RANBP2: variants seen among roughly 807,000 people sequenced by gnomAD.
RANBP2 encodes E3 SUMO-protein ligase RanBP2.
In RANBP2, 57 loss-of-function variants were observed where a neutral mutation model predicts 303.6. That is an observed-to-expected ratio of 0.19 (90% CI 0.15 to 0.23). The LOEUF is 0.23. Among genes scored for constraint, RANBP2 ranks in the 10% least tolerant of loss-of-function variants. The pLI, the probability that RANBP2 is intolerant of heterozygous loss-of-function variation, is 1.00. For synonymous variants in RANBP2, 1,167 were observed against 1,301.5 expected (o/e 0.90, Z 2.23); for missense variants, 3,138 against 3,780.8 (o/e 0.83, Z 4.46).
At chr2:109,717,407 T>C in the RANBP2 span, among the ~76,000 whole-genome samples, 147,768 of 152,136 alleles carry the variant, frequency 0.97, 71,914 homozygotes, top group Middle Eastern at 1. Flanking sequence ...CATTGTGAAA[T>C]CCCGTCTCAA....
the RANBP2 span, among the ~76,000 whole-genome samples, chr2:109,235,069 G>C: frequency 6.6e-6 from 1 of 152,216 alleles, no homozygotes; most frequent in African/African-American, 2.4e-5. Flanking sequence ...CCTTTATGGT[G>C]AGGCAGAGCT....
At chr2:109,535,323 C>T in the RANBP2 span, among the ~76,000 whole-genome samples, 1 of 152,148 alleles carries the variant, frequency 6.6e-6, no homozygotes, top group Admixed American at 6.5e-5. Flanking sequence ...TTCACAGAAC[C>T]GTCACCAACA....
At chr2:109,129,174 G>C in the RANBP2 span, 1 of 448,986 alleles carries the variant, frequency 2.2e-6, no homozygotes. Flanking sequence ...TCCTGCCGCT[G>C]GTCTCCCAGG....
the RANBP2 span, among the ~76,000 whole-genome samples, chr2:109,323,059 AC>A: frequency 2.6e-5 from 4 of 152,146 alleles, no homozygotes; most frequent in Non-Finnish European, 4.4e-5. Context: ...TTTATCAGAG[AC>A]AGGAGGGAGC....
At chr2:108,974,507 G>A in the RANBP2 span, among the ~76,000 whole-genome samples, 7 of 151,756 alleles carry the variant, frequency 4.6e-5, no homozygotes, top group Non-Finnish European at 1.0e-4. Flanking sequence ...CAAGGGGGGT[G>A]GATCACCAGG....
At chr2:109,449,159 C>T in the RANBP2 span, 1 of 1,611,946 alleles carries the variant, frequency 6.2e-7, no homozygotes. Context: ...TCTCTCCAAC[C>T]CCGTCTCCAG....
the RANBP2 span, among the ~76,000 whole-genome samples, chr2:109,387,207 G>T: frequency 6.6e-6 from 1 of 152,056 alleles, no homozygotes. Context: ...TTTCTGCCTG[G>T]CTTTTCTCAT....
the RANBP2 span, among the ~76,000 whole-genome samples, chr2:109,306,897 G>A: frequency 6.6e-6 from 1 of 152,222 alleles, no homozygotes; most frequent in Admixed American, 6.5e-5. Context: ...GCGGTGTACG[G>A]TAGGGCCGCG....
At chr2:109,398,926 T>G in the RANBP2 span, 1 of 1,612,230 alleles carries the variant, frequency 6.2e-7, no homozygotes, top group East Asian at 2.2e-5. Context: ...TCATCTGTCG[T>G]GCGCTGCTCC....
the RANBP2 span, among the ~76,000 whole-genome samples, chr2:109,294,289 C>T: frequency 2.0e-5 from 3 of 152,154 alleles, no homozygotes; most frequent in South Asian, 2.1e-4. Context: ...GTGCCGTGTG[C>T]GGTGGTCATG....
chr2:109,615,708 G>A, the RANBP2 span: 1 of 1,613,682 alleles, frequency 6.2e-7, no homozygotes, highest in Non-Finnish European at 8.5e-7. Flanking sequence ...AAGCGCCGCG[G>A]GTAGCGGCGG....
chr2:108,966,936 GGTTT>G, the RANBP2 span, among the ~76,000 whole-genome samples: 2,681 of 152,228 alleles, frequency 0.018, 39 homozygotes, highest in African/African-American at 0.038. Context: ...ATTGTGCATG[GGTTT>G]GTTTGTTTGT....
chr2:109,021,017 CG>C, the RANBP2 span, among the ~76,000 whole-genome samples: 1 of 152,144 alleles, frequency 6.6e-6, no homozygotes, highest in African/African-American at 2.4e-5. Context: ...AAATGGGCCA[CG>C]GGGCTGCCTC....
At chr2:109,082,877 G>C in the RANBP2 span, among the ~76,000 whole-genome samples, 10 of 148,716 alleles carry the variant, frequency 6.7e-5, no homozygotes, top group African/African-American at 2.0e-4. Flanking sequence ...CCAGGCTGGA[G>C]TGCAGTGGCG....
At chr2:109,466,871 ATGTT>A in the RANBP2 span, among the ~76,000 whole-genome samples, 6 of 151,844 alleles carry the variant, frequency 4.0e-5, no homozygotes, top group Non-Finnish European at 5.9e-5. Flanking sequence ...ATGTGTGTAT[ATGTT>A]TGTGTGTATA....
the RANBP2 span, among the ~76,000 whole-genome samples, chr2:108,820,854 T>G: frequency 6.6e-6 from 1 of 152,172 alleles, no homozygotes; most frequent in Non-Finnish European, 1.5e-5. Flanking sequence ...TCCTTCAGGT[T>G]GAAATGAAAG....
rs373086972 is a variant in RANBP2 at position 108,770,064 on chromosome 2, A to T, written c.7850-1637A>T. Among the ~76,000 whole-genome samples the T allele has an allele frequency of 7.9e-5, 12 of 152,296 alleles. No homozygotes were observed. In the East Asian group the frequency reaches 1.7e-3, roughly 22 times the overall value. ...GTGAAAAGTGTTAACTTAAAAGTGG[A>T]TGTATACTTGCGTACAGTTTCTGTG... On this transcript the variant is annotated intron_variant, in intron 20 of 28. Coordinates refer to ENST00000283195, the MANE Select transcript of RANBP2 (RefSeq NM_006267.5).
Position 108,766,593 on chromosome 2 carries a change from A to G in RANBP2, c.6054A>G (p.Gln2018=). The part of the protein sequence containing the change: ...SDDIHFEPVV[Q]MPEKVELVTG... The stretch of plus-strand genomic sequence containing the variant: ...ACATCCATTTTGAACCAGTAGTTCA[A>G]ATGCCCGAAAAAGTAGAACTTGTAA... Residue 2018 remains glutamine (Q), a synonymous_variant, in exon 20 of 29, where the codon CAA becomes CAG. Transcript: ENST00000283195. The G allele has an allele frequency of 6.2e-7, 1 of 1,611,990 alleles. No individual in the cohort carries two copies. Among genetic ancestry groups the G allele is most frequent in the Non-Finnish European group, 8.5e-7 (1 of 1,179,828 alleles).
chr2:109,287,771 T>G, the RANBP2 span, among the ~76,000 whole-genome samples: 1 of 152,170 alleles, frequency 6.6e-6, no homozygotes, highest in African/African-American at 2.4e-5. Flanking sequence ...GCCCTTCCCT[T>G]TCAGGCCTCA....
Sources: gnomAD v4.1 joint callset for allele counts (sites outside exome capture counted in the v4.1 genomes callset) on GRCh38, gnomAD v4.1.1 for gene constraint, MANE v1.5 for transcripts, NCBI Gene and HGNC (gene_info 2026-07-23, HGNC 2026-07-21) for gene names.